DPP10: variants seen among roughly 807,000 people sequenced by gnomAD.
The protein encoded by DPP10 is inactive dipeptidyl peptidase 10.
In DPP10, 33 loss-of-function variants were observed where a neutral mutation model predicts 120.9. The ratio of observed to expected loss-of-function variants is 0.27; its 90% CI spans 0.21 to 0.37. The LOEUF (loss-of-function observed/expected upper bound fraction) is 0.37, where lower values mean the gene tolerates loss of function less well. Ranked by LOEUF, DPP10 falls within the 10% of genes least tolerant of loss-of-function variation. The pLI, the probability that DPP10 is intolerant of heterozygous loss-of-function variation, is 1.00. For missense variants in DPP10, 816 were observed against 942.8 expected (o/e 0.87, Z 1.76); for synonymous variants, 337 against 326.1 (o/e 1.03, Z -0.36).
At chr2:114,718,413 A>C (rs897705259) in intron 1 of DPP10, among the ~76,000 whole-genome samples, 5 of 151,328 alleles carry the variant, frequency 3.3e-5, no homozygotes, top group Non-Finnish European at 5.9e-5. Flanking sequence ...AAAAAAAAAA[A>C]AAAAAAAAAA....
chr2:114,670,165 A>G (rs1023789428), intron 1 of DPP10, among the ~76,000 whole-genome samples: 1 of 152,200 alleles, frequency 6.6e-6, no homozygotes, highest in East Asian at 1.9e-4. Context: ...CCATCCCATT[A>G]CTGGGTATAT....
intron 1 of DPP10, among the ~76,000 whole-genome samples, chr2:114,931,925 T>C (rs1696098066): frequency 6.6e-6 from 1 of 152,248 alleles, no homozygotes; most frequent in African/African-American, 2.4e-5. Flanking sequence ...TACAAAAATT[T>C]ATTCATTGCT....
At chr2:114,613,541 G>A (rs967050132) in intron 1 of DPP10, among the ~76,000 whole-genome samples, 11 of 152,158 alleles carry the variant, frequency 7.2e-5, no homozygotes, top group Non-Finnish European at 1.3e-4. Flanking sequence ...TTCAACCATT[G>A]TGGAAGACAG....
chr2:114,998,317 C>T (rs1701227699), intron 1 of DPP10, among the ~76,000 whole-genome samples: 1 of 152,276 alleles, frequency 6.6e-6, no homozygotes, highest in African/African-American at 2.4e-5. Flanking sequence ...AGCCTACCAA[C>T]TCCATTTCCT....
At chr2:114,701,677 G>A (rs1356713938) in intron 1 of DPP10, among the ~76,000 whole-genome samples, 2 of 151,900 alleles carry the variant, frequency 1.3e-5, no homozygotes, top group Non-Finnish European at 1.5e-5. Flanking sequence ...CCTTTCAATC[G>A]AAACCCAGGA....
At chr2:114,732,670 A>G (rs1327212045) in intron 1 of DPP10, among the ~76,000 whole-genome samples, 1 of 152,184 alleles carries the variant, frequency 6.6e-6, no homozygotes, top group Non-Finnish European at 1.5e-5. Flanking sequence ...TATACTATGG[A>G]TTGAAAAAGG....
intron 5 of DPP10, among the ~76,000 whole-genome samples, chr2:115,528,856 G>C (rs1488545223): frequency 6.7e-6 from 1 of 149,058 alleles, no homozygotes; most frequent in African/African-American, 2.6e-5. Context: ...CAGGAGAAAA[G>C]GAGGGAAATG....
At chr2:114,639,907 A>G (rs1019786445) in intron 1 of DPP10, among the ~76,000 whole-genome samples, 1 of 151,974 alleles carries the variant, frequency 6.6e-6, no homozygotes, top group Non-Finnish European at 1.5e-5. Flanking sequence ...GACATCTGGA[A>G]TTAAAATCTT....
chr2:115,151,007 T>A (rs1250644623), intron 1 of DPP10, among the ~76,000 whole-genome samples: 1 of 152,184 alleles, frequency 6.6e-6, no homozygotes, highest in African/African-American at 2.4e-5. Flanking sequence ...TAATTTTGTT[T>A]TCTAAAACTG....
At chr2:115,476,223 T>C (rs2075067047) in intron 3 of DPP10, among the ~76,000 whole-genome samples, 1 of 152,120 alleles carries the variant, frequency 6.6e-6, no homozygotes, top group Non-Finnish European at 1.5e-5. Flanking sequence ...GATTTTCCTT[T>C]CGATGTTGTT....
At chr2:115,767,649 C>A (rs1347197002) in intron 12 of DPP10, among the ~76,000 whole-genome samples, 1 of 151,464 alleles carries the variant, frequency 6.6e-6, no homozygotes, top group Non-Finnish European at 1.5e-5. Context: ...AATGTGCCAC[C>A]AGAGTGTAAT....
chr2:114,903,614 A>C (rs978023541), intron 1 of DPP10, among the ~76,000 whole-genome samples: 7 of 152,226 alleles, frequency 4.6e-5, no homozygotes, highest in Non-Finnish European at 8.8e-5. Context: ...AGACTGCATT[A>C]TATCTCAAGA....
At chr2:114,965,329 G>A (rs907229427) in intron 1 of DPP10, among the ~76,000 whole-genome samples, 2 of 151,766 alleles carry the variant, frequency 1.3e-5, no homozygotes, top group Non-Finnish European at 2.9e-5. Context: ...TAGGGACGGG[G>A]TTTCACCATG....
intron 1 of DPP10, among the ~76,000 whole-genome samples, chr2:114,650,397 G>A (rs927817736): frequency 2.0e-5 from 3 of 152,108 alleles, no homozygotes; most frequent in Admixed American, 2.0e-4. Context: ...ATGAGTCCAG[G>A]AGATAATTTT....
intron 1 of DPP10, among the ~76,000 whole-genome samples, chr2:114,573,647 A>G (rs1362003447): frequency 6.6e-6 from 1 of 152,206 alleles, no homozygotes; most frequent in Non-Finnish European, 1.5e-5. Flanking sequence ...CAGCTCACCT[A>G]GTTCCTGAGT....
At chr2:114,581,865 A>G (rs1465121858) in intron 1 of DPP10, among the ~76,000 whole-genome samples, 2 of 152,210 alleles carry the variant, frequency 1.3e-5, no homozygotes, top group Non-Finnish European at 2.9e-5. Context: ...GTATGCATAT[A>G]TCTGCCACAT....
At chr2:115,304,411 A>C (rs2061275708) in intron 1 of DPP10, among the ~76,000 whole-genome samples, 1 of 152,108 alleles carries the variant, frequency 6.6e-6, no homozygotes, top group Non-Finnish European at 1.5e-5. Context: ...ACCCAAGTAC[A>C]TCTTTTCACA....
At chr2:115,269,707 T>C (rs567014334) in intron 1 of DPP10, among the ~76,000 whole-genome samples, 1 of 152,270 alleles carries the variant, frequency 6.6e-6, no homozygotes, top group South Asian at 2.1e-4. Flanking sequence ...TAATCTAAAT[T>C]GGAAGGGACA....
At chr2:114,497,023 G>A (rs1437018669) in intron 1 of DPP10, among the ~76,000 whole-genome samples, 14 of 149,300 alleles carry the variant, frequency 9.4e-5, no homozygotes, top group Admixed American at 8.1e-4. Context: ...ATGTATATAT[G>A]TGTGTATATA....
Sources: gnomAD v4.1 joint callset for allele counts (sites outside exome capture counted in the v4.1 genomes callset) on GRCh38, gnomAD v4.1.1 for gene constraint, MANE v1.5 for transcripts, NCBI Gene and HGNC (gene_info 2026-07-23, HGNC 2026-07-21) for gene names.